The following PTPRM variants were observed in gnomAD, a reference collection of about 807,000 sequenced individuals.
PTPRM encodes receptor-type tyrosine-protein phosphatase mu.
PTPRM carries 47 observed loss-of-function variants against 186.7 expected under a neutral mutation model. The ratio of observed to expected loss-of-function variants is 0.25; its 90% CI spans 0.20 to 0.32. PTPRM has a LOEUF of 0.32. PTPRM is among the 10% of genes least tolerant of loss of function. PTPRM has a pLI of 1.00. For synonymous variants in PTPRM, 668 were observed against 674.9 expected, an observed-to-expected ratio of 0.99 and a Z score of 0.16; for missense variants, 1,494 against 1,865.0, an observed-to-expected ratio of 0.80 and a Z score of 3.66.
At chr18:7,694,445 T>TCC (rs1555653074) in intron 1 of PTPRM, among the ~76,000 whole-genome samples, 1 of 149,940 alleles carries the variant, frequency 6.7e-6, no homozygotes, top group African/African-American at 2.5e-5. Context: ...TTTTTTTTTT[T>TCC]CGACAGAGTC....
At chr18:7,702,838 A>G (rs1249911473) in intron 1 of PTPRM, among the ~76,000 whole-genome samples, 1 of 152,170 alleles carries the variant, frequency 6.6e-6, no homozygotes, top group Non-Finnish European at 1.5e-5. Context: ...CCTCACATTT[A>G]TGTCTTTAAT....
chr18:8,289,567 T>TATATAC (rs2095013625), intron 19 of PTPRM, among the ~76,000 whole-genome samples: 1 of 123,690 alleles, frequency 8.1e-6, no homozygotes, highest in Non-Finnish European at 1.6e-5. Context: ...TATACACATA[T>TATATAC]ATATATATAC....
intron 2 of PTPRM, among the ~76,000 whole-genome samples, chr18:7,872,127 C>T (rs1284464562): frequency 6.6e-6 from 1 of 152,292 alleles, no homozygotes; most frequent in Middle Eastern, 3.4e-3. Context: ...ATTACTGTTT[C>T]TGCTTTTTTG....
intron 7 of PTPRM, among the ~76,000 whole-genome samples, chr18:8,003,526 A>G (rs1292939068): frequency 6.6e-6 from 1 of 152,250 alleles, no homozygotes; most frequent in Non-Finnish European, 1.5e-5. Context: ...CAGCCAGGGC[A>G]TCTGATGACT....
chr18:8,253,675 G>T (rs2094549738), intron 19 of PTPRM, among the ~76,000 whole-genome samples: 1 of 152,128 alleles, frequency 6.6e-6, no homozygotes, highest in Non-Finnish European at 1.5e-5. Context: ...GCATCTCAAA[G>T]ATATTATATA....
intron 23 of PTPRM, among the ~76,000 whole-genome samples, chr18:8,351,666 C>T (rs2095534857): frequency 6.6e-6 from 1 of 152,166 alleles, no homozygotes; most frequent in South Asian, 2.1e-4. Context: ...TCTGTTTCTG[C>T]TGGAAATAGC....
At chr18:7,717,828 G>A (rs560595481) in intron 1 of PTPRM, among the ~76,000 whole-genome samples, 5 of 152,300 alleles carry the variant, frequency 3.3e-5, no homozygotes, top group African/African-American at 1.2e-4. Context: ...GCAAGGAGTG[G>A]AACACAGCAA....
chr18:7,722,224 GA>G, intron 1 of PTPRM, among the ~76,000 whole-genome samples: 1 of 152,150 alleles, frequency 6.6e-6, no homozygotes, highest in South Asian at 2.1e-4. Context: ...GGCTTTTCCA[GA>G]ATGTCATATT....
At chr18:8,400,724 C>T (rs2095868055) in intron 32 of PTPRM, among the ~76,000 whole-genome samples, 1 of 152,252 alleles carries the variant, frequency 6.6e-6, no homozygotes, top group Admixed American at 6.5e-5. Context: ...CTCAGCCTCA[C>T]CTCCCCTTTA....
chr18:7,615,328 G>A (rs2037775798), intron 1 of PTPRM, among the ~76,000 whole-genome samples: 1 of 151,978 alleles, frequency 6.6e-6, no homozygotes, highest in Non-Finnish European at 1.5e-5. Context: ...TTTTTTTCAA[G>A]GATCATGCTT....
At chr18:8,198,688 C>T (rs1433306367) in intron 14 of PTPRM, among the ~76,000 whole-genome samples, 2 of 151,998 alleles carry the variant, frequency 1.3e-5, no homozygotes, top group Non-Finnish European at 1.5e-5. Context: ...AATGACGAAC[C>T]GACGGCTTTC....
At chr18:8,380,244 T>C (rs2148508166) in intron 28 of PTPRM, 52 bp from the exon 29 acceptor site, 1 of 1,580,152 alleles carries the variant, frequency 6.3e-7, no homozygotes, top group East Asian at 2.2e-5. Context: ...CCTAGCTTCT[T>C]CTCTTCCCAT....
chr18:8,016,464 C>T (rs1352194837), intron 7 of PTPRM, among the ~76,000 whole-genome samples: 1 of 145,316 alleles, frequency 6.9e-6, no homozygotes, highest in Non-Finnish European at 1.5e-5. Context: ...GAGGCGGAGG[C>T]GGAGGTTGCA....
At chr18:8,388,689 C>T (rs1200644243) in intron 31 of PTPRM, among the ~76,000 whole-genome samples, 1 of 152,206 alleles carries the variant, frequency 6.6e-6, no homozygotes, top group African/African-American at 2.4e-5. Context: ...TGGCCAGGCG[C>T]AGTGGCTCAC....
chr18:8,338,265 T>G (rs2148219271), intron 22 of PTPRM, among the ~76,000 whole-genome samples: 1 of 150,740 alleles, frequency 6.6e-6, no homozygotes, highest in Middle Eastern at 3.4e-3. Flanking sequence ...ACCCTAGAAC[T>G]TAAAGTATAA....
At chr18:7,637,447 ATTT>A (rs2038344176) in intron 1 of PTPRM, among the ~76,000 whole-genome samples, 3 of 152,184 alleles carry the variant, frequency 2.0e-5, no homozygotes, top group Non-Finnish European at 4.4e-5. Context: ...GGTTAAGTTC[ATTT>A]CTTAATGTGT....
At chr18:8,105,791 G>A (rs966816119) in intron 11 of PTPRM, among the ~76,000 whole-genome samples, 4 of 152,158 alleles carry the variant, frequency 2.6e-5, no homozygotes, top group Non-Finnish European at 1.5e-5. Context: ...TCCACTGCCA[G>A]TCACCCCCCA....
At chr18:7,863,627 C>G (rs552473124) in intron 2 of PTPRM, among the ~76,000 whole-genome samples, 38 of 152,254 alleles carry the variant, frequency 2.5e-4, no homozygotes, top group Admixed American at 2.5e-3. Context: ...GGTTCCAAGT[C>G]TTTGCTATTG....
At position 8,011,542 on chromosome 18, in the gene PTPRM, T is replaced by G. The variant is rs1014791718; in HGVS notation, c.1132+56128T>G. Among the ~76,000 whole-genome samples, 311 of 152,214 alleles carry G rather than the reference T, an allele frequency of 2.0e-3. 1 individual carries two copies. The highest frequency in any genetic ancestry group is 2.4e-4 in the Non-Finnish European group (16 of 68,038). ...TCTGATACTTATTCATTGCTCTGAG[T>G]CACCCTTTGCCCAAAGCAAACTGTT... On this transcript the variant is annotated intron_variant, in intron 7 of 32. Coordinates refer to ENST00000580170, the MANE Select transcript of PTPRM (RefSeq NM_001105244.2).
Sources: gnomAD v4.1 joint callset for allele counts (sites outside exome capture counted in the v4.1 genomes callset) on GRCh38, gnomAD v4.1.1 for gene constraint, MANE v1.5 for transcripts, NCBI Gene and HGNC (gene_info 2026-07-23, HGNC 2026-07-21) for gene names.